The following CITED1 variants were observed in gnomAD, a reference collection of about 807,000 sequenced individuals.
CITED1 encodes the protein cbp/p300-interacting transactivator 1.
CITED1 carries 3 observed loss-of-function variants against 8.5 expected under a neutral mutation model. The observed-to-expected ratio is 0.35, with a 90% CI of 0.16 to 0.91. The LOEUF (loss-of-function observed/expected upper bound fraction) is 0.91. Among genes scored for constraint, CITED1 ranks in the 40% least tolerant of loss-of-function variants. The probability of loss-of-function intolerance (pLI) is 0.46; values close to 1 mark genes in which losing one functional copy is unlikely to be tolerated. For synonymous variants in CITED1, 54 were observed against 67.4 expected, an observed-to-expected ratio of 0.80 and a Z score of 0.97; for missense variants, 113 against 154.8, an observed-to-expected ratio of 0.73 and a Z score of 1.43.
At chrX:72,306,340 G>C (rs2043339506), upstream of CITED1, 1 of 110,641 alleles carries the variant, frequency 9.0e-6, no homozygotes, top group Non-Finnish European at 1.9e-5. Context: ...GCCCCCAGCA[G>C]AGCAGCTTTC....
At position 72,305,496 on chromosome X, in the gene CITED1, G is replaced by A. The variant is rs2043328078; in HGVS notation, c.-66+329C>T. 8 of 429,258 alleles carry A rather than the reference G, an allele frequency of 1.9e-5. No individual in the cohort carries two copies. In the South Asian group the frequency reaches 2.7e-4, roughly 15 times the overall value. 35.4% of individuals were successfully genotyped at this position (429,258 alleles called of 1,213,427 possible). On this transcript the variant is annotated intron_variant, in intron 1 of 2. Transcript: ENST00000651998. Reference sequence around the variant, plus strand: ...CCCAGATGGAGCCGCGGAACCGGGGGCGGCCGGGAGCATCCCTTGCACGGC... The same window carrying A: ...CCCAGATGGAGCCGCGGAACCGGGGACGGCCGGGAGCATCCCTTGCACGGC...
upstream of CITED1, among the ~76,000 whole-genome samples, chrX:72,306,267 G>C (rs767789742): frequency 1.8e-5 from 2 of 110,684 alleles, no homozygotes; most frequent in South Asian, 3.7e-4. Context: ...CCCGCTGGCC[G>C]GCAGGGGGGC....
chrX:72,302,865 G>C lies in CITED1; in HGVS notation c.5C>G (p.Pro2Arg). 1 of 1,211,507 alleles carries C rather than the reference G, an allele frequency of 8.3e-7. No homozygotes were observed. Among genetic ancestry groups the C allele is most frequent in the Non-Finnish European group, 1.1e-6 (1 of 895,015 alleles). Residue 2 changes from proline (P) to arginine (R), a missense_variant, in exon 2 of 3, where the codon CCA becomes CGA. Pro to Arg is a moderately radical substitution (Grantham distance 103). Coordinates refer to ENST00000651998, the MANE Select transcript of CITED1 (RefSeq NM_001144887.2). MPTTSRPALDVK... is the reference protein window; with the variant it reads MRTTSRPALDVK... ...ATCAAGTGCAGGCCTCGACGTTGTTGGCATTTCAGAGCCTTGGCAGAAGTT... is the reference window on the plus strand; with the variant it reads ...ATCAAGTGCAGGCCTCGACGTTGTTCGCATTTCAGAGCCTTGGCAGAAGTT...
chrX:72,302,306 G>T, intron 2 of CITED1, 62 bp from the exon 3 acceptor site: 1 of 1,131,373 alleles, frequency 8.8e-7, no homozygotes, highest in Non-Finnish European at 1.2e-6. Context: ...TCACCATTCA[G>T]CAGATTTAGA....
intron 1 of CITED1, chrX:72,305,297 C>G (rs1241255782): frequency 3.2e-5 from 37 of 1,165,652 alleles, no homozygotes. Context: ...TAAAATGGCA[C>G]CAACCGGATG....
chrX:72,304,788 G>A (rs1383468694), intron 1 of CITED1, among the ~76,000 whole-genome samples: 1 of 112,201 alleles, frequency 8.9e-6, no homozygotes, highest in Non-Finnish European at 1.9e-5. Flanking sequence ...AGCTCCCCCA[G>A]AAGAGGCCCT....
intron 1 of CITED1, chrX:72,305,266 A>T (rs2043325680): frequency 8.7e-7 from 1 of 1,155,363 alleles, no homozygotes; most frequent in African/African-American, 1.8e-5. Context: ...CTCATCTTTA[A>T]CCTGTTGGGG....
chrX:72,306,573 C>A (rs1467338176), upstream of CITED1: 10 of 111,242 alleles, frequency 9.0e-5, no homozygotes, highest in African/African-American at 3.2e-4. Flanking sequence ...CGCACGCCGC[C>A]GCCACCGCTA....
At chrX:72,302,368 G>T in intron 2 of CITED1, 124 bp from the exon 3 acceptor site, 1 of 851,942 alleles carries the variant, frequency 1.2e-6, no homozygotes, top group Non-Finnish European at 1.6e-6. Context: ...GTAGCAAGAC[G>T]ACCCCCTTGA....
intron 1 of CITED1, among the ~76,000 whole-genome samples, chrX:72,303,582 C>T (rs924590518): frequency 5.4e-5 from 6 of 111,807 alleles, no homozygotes; most frequent in Non-Finnish European, 7.5e-5. Flanking sequence ...CCAAGACAGC[C>T]CCAGCATTGG....
At chrX:72,307,134 C>G (rs1247437879), upstream of CITED1, 1 of 111,608 alleles carries the variant, frequency 9.0e-6, no homozygotes, top group Non-Finnish European at 1.9e-5. Flanking sequence ...AGCTTCCTCT[C>G]GGCAGCTCAG....
chrX:72,304,051 T>TAA (rs374822119), intron 1 of CITED1: 185 of 391,161 alleles, frequency 4.7e-4, no homozygotes, highest in African/African-American at 1.6e-3. Context: ...CCTATCTCTT[T>TAA]AAAAAAAAAA....
chrX:72,303,008 C>T, intron 1 of CITED1, 74 bp from the exon 2 acceptor site: 3 of 1,116,550 alleles, frequency 2.7e-6, no homozygotes, highest in Non-Finnish European at 3.6e-6. Context: ...AAGCCCAAAG[C>T]AGGGCAATGC....
At chrX:72,303,854 C>A (rs996523181) in intron 1 of CITED1, among the ~76,000 whole-genome samples, 1 of 111,340 alleles carries the variant, frequency 9.0e-6, no homozygotes, top group Admixed American at 9.5e-5. Flanking sequence ...TACCTCCAAA[C>A]CAGAAAATAA....
upstream of CITED1, chrX:72,305,926 C>A (rs1250945703): frequency 1.8e-5 from 2 of 111,859 alleles, no homozygotes; most frequent in Non-Finnish European, 3.8e-5. Flanking sequence ...GCGCGCGGCT[C>A]GCCAGCCCGC....
rs745366470 is a variant in CITED1, at chrX:72,305,625, G to A, written c.-66+200C>T. On this transcript the variant is annotated intron_variant, in intron 1 of 2. Transcript: ENST00000651998. ...GGATGGACAGGCAGGAAGGGGCACG[G>A]GGTGTCGGCCTCCGCGGCGAGTCCG... 3.7e-5 allele frequency: 8 copies of A among 216,912 alleles called. No individual in the cohort carries two copies. In the South Asian group the frequency reaches 4.9e-4, roughly 13 times the overall value. 17.9% of individuals were successfully genotyped at this position (216,912 alleles called of 1,213,427 possible). A position where few individuals can be genotyped will look rare whatever the true frequency, so the allele number is the denominator to read the frequency against.
intron 1 of CITED1, among the ~76,000 whole-genome samples, chrX:72,305,065 A>T (rs935691340): frequency 8.0e-5 from 9 of 112,923 alleles, no homozygotes; most frequent in Admixed American, 1.9e-4. Context: ...AACGGCTGCG[A>T]CAGGCGGCTG....
chrX:72,305,282 A>G, intron 1 of CITED1: 1 of 1,164,710 alleles, frequency 8.6e-7, no homozygotes, highest in Non-Finnish European at 1.1e-6. Context: ...TGGGGGACCA[A>G]AAGTTAAAAT....
At chrX:72,303,836 C>CA (rs1191622553) in intron 1 of CITED1, among the ~76,000 whole-genome samples, 3 of 111,478 alleles carry the variant, frequency 2.7e-5, no homozygotes, top group African/African-American at 6.5e-5. Flanking sequence ...GGAATGAAGG[C>CA]AAAAGAATAC....
Sources: allele counts gnomAD v4.1 joint callset (sites outside exome capture counted in the v4.1 genomes callset), GRCh38; gene constraint gnomAD v4.1.1; transcripts MANE v1.5; gene names NCBI Gene and HGNC (gene_info 2026-07-23, HGNC 2026-07-21).